LARS2: variants seen among roughly 807,000 people sequenced by gnomAD.
The protein encoded by LARS2 is leucyl-tRNA synthetase 2, mitochondrial.
In LARS2, 81 loss-of-function variants were observed where a neutral mutation model predicts 116.6. The ratio of observed to expected loss-of-function variants is 0.69; its 90% CI spans 0.58 to 0.84. The LOEUF (loss-of-function observed/expected upper bound fraction) is 0.84. Ranked by LOEUF, LARS2 falls within the 40% of genes least tolerant of loss-of-function variation. LARS2 has a pLI of 0.00. For synonymous variants in LARS2, 396 were observed against 407.2 expected (o/e 0.97, Z 0.33); for missense variants, 968 against 1,114.5 (o/e 0.87, Z 1.87).
chr3:45,402,571 C>G (rs1177847090), intron 4 of LARS2, among the ~76,000 whole-genome samples: 2 of 152,174 alleles, frequency 1.3e-5, no homozygotes, highest in African/African-American at 4.8e-5. Flanking sequence ...GTAAGTACAT[C>G]CATTGTCATA....
At chr3:45,449,732 T>C (rs541250724) in intron 7 of LARS2, among the ~76,000 whole-genome samples, 1 of 152,356 alleles carries the variant, frequency 6.6e-6, no homozygotes, top group East Asian at 1.9e-4. Flanking sequence ...CTGTGGTTTA[T>C]TTCAAAATAC....
At chr3:45,545,467 G>A (rs965159552) in intron 21 of LARS2, among the ~76,000 whole-genome samples, 1 of 152,224 alleles carries the variant, frequency 6.6e-6, no homozygotes, top group South Asian at 2.1e-4. Context: ...CAGGCTCAGT[G>A]TTGAGTCCCA....
chr3:45,464,340 G>A (rs1399702), intron 8 of LARS2, among the ~76,000 whole-genome samples: 143,193 of 152,232 alleles, frequency 0.94, 67,973 homozygotes, highest in East Asian at 1. Context: ...GAGTCATCTG[G>A]ACTCTGGAAT....
intron 6 of LARS2, among the ~76,000 whole-genome samples, chr3:45,428,230 T>A (rs982313948): frequency 3.4e-5 from 5 of 147,942 alleles, no homozygotes; most frequent in African/African-American, 1.2e-4. Context: ...AAATGTACTA[T>A]CTTAACCTGT....
intron 4 of LARS2, among the ~76,000 whole-genome samples, chr3:45,401,770 A>G (rs1698157416): frequency 6.6e-6 from 1 of 152,058 alleles, no homozygotes. Flanking sequence ...GTGTGCCACC[A>G]CGCTCAGCTA....
In LARS2 at chr3:45,394,783, TG is replaced by T. The variant is rs367627685; in HGVS notation, c.234+97del. 2.2e-4 allele frequency: 177 copies of T among 794,312 alleles called. No homozygotes were observed. The African/African-American group carries it at 2.7e-3, about 12-fold the overall frequency. The allele number at this position is 794,312 out of a possible 1,614,324, so 49.2% of individuals were successfully genotyped here. A position where few individuals can be genotyped will look rare whatever the true frequency, so the allele number is the denominator to read the frequency against. On this transcript the variant is annotated intron_variant, in intron 3 of 21. Transcript: ENST00000645846. ...CCTGGTTCAAATAAGATATTAAATA[TG>T]TGACCTTGAACCAAATTGTTGAATT...
chr3:45,523,278 G>GA (rs1700481164), intron 19 of LARS2, among the ~76,000 whole-genome samples: 1 of 152,108 alleles, frequency 6.6e-6, no homozygotes, highest in Non-Finnish European at 1.5e-5. Context: ...GGGTATAGAG[G>GA]CCCCCCTGCC....
chr3:45,425,430 T>C (rs1575245407), intron 6 of LARS2, among the ~76,000 whole-genome samples: 1 of 152,200 alleles, frequency 6.6e-6, no homozygotes, highest in Admixed American at 6.5e-5. Flanking sequence ...CCATGTGGGC[T>C]AAGAGAGATT....
intron 4 of LARS2, among the ~76,000 whole-genome samples, chr3:45,408,308 C>T (rs949962076): frequency 2.6e-5 from 4 of 152,248 alleles, no homozygotes; most frequent in African/African-American, 9.6e-5. Flanking sequence ...TACCGGGCCT[C>T]ACCCCCTGGC....
chr3:45,429,718 T>C (rs1312836472), intron 6 of LARS2, among the ~76,000 whole-genome samples: 6 of 150,198 alleles, frequency 4.0e-5, no homozygotes, highest in African/African-American at 1.5e-4. Context: ...TTTTTTTTTT[T>C]TGAGATAGGG....
At chr3:45,468,894 A>G (rs77628924) in intron 8 of LARS2, among the ~76,000 whole-genome samples, 3,726 of 152,286 alleles carry the variant, frequency 0.024, 121 homozygotes, top group African/African-American at 0.078. Context: ...CTTTTCTAGC[A>G]CCAGTGACAC....
intron 4 of LARS2, among the ~76,000 whole-genome samples, chr3:45,413,224 A>G (rs965423100): frequency 6.6e-6 from 1 of 152,214 alleles, no homozygotes; most frequent in Non-Finnish European, 1.5e-5. Flanking sequence ...TCAGGTATTA[A>G]TATCTTCCGT....
intron 5 of LARS2, among the ~76,000 whole-genome samples, chr3:45,418,758 A>G (rs1040467674): frequency 3.1e-4 from 47 of 152,254 alleles, no homozygotes; most frequent in African/African-American, 1.1e-3. Context: ...TCTACTGGTG[A>G]ATAGCAGTTA....
At chr3:45,475,256 C>G (rs554006166) in intron 9 of LARS2, among the ~76,000 whole-genome samples, 96 of 152,304 alleles carry the variant, frequency 6.3e-4, no homozygotes, top group African/African-American at 2.1e-3. Context: ...TCTGCAAGCA[C>G]CTGCCGCTTG....
chr3:45,419,023 T>G (rs969492935), intron 5 of LARS2, among the ~76,000 whole-genome samples: 1 of 152,202 alleles, frequency 6.6e-6, no homozygotes, highest in Admixed American at 6.5e-5. Flanking sequence ...TACAGAAGAT[T>G]TTTTCATGGT....
At chr3:45,394,928 T>G (rs1006193099) in intron 3 of LARS2, among the ~76,000 whole-genome samples, 1 of 152,188 alleles carries the variant, frequency 6.6e-6, no homozygotes, top group Admixed American at 6.5e-5. Flanking sequence ...AGGTAGTGTT[T>G]ACAAGAGTTT....
At chr3:45,463,638 A>C (rs937363469) in intron 8 of LARS2, among the ~76,000 whole-genome samples, 2 of 150,438 alleles carry the variant, frequency 1.3e-5, no homozygotes, top group Non-Finnish European at 3.0e-5. Context: ...GTTAACCCGC[A>C]GTCTCTCCTC....
intron 8 of LARS2, among the ~76,000 whole-genome samples, chr3:45,464,197 TGGG>T (rs1559477701): frequency 6.6e-6 from 1 of 152,008 alleles, no homozygotes; most frequent in African/African-American, 2.4e-5. Flanking sequence ...CATGCACACA[TGGG>T]GCTGGAGGAA....
intron 6 of LARS2, among the ~76,000 whole-genome samples, chr3:45,431,496 G>T (rs963500576): frequency 1.3e-5 from 2 of 152,148 alleles, no homozygotes; most frequent in Admixed American, 1.3e-4. Context: ...AGTGTATAAA[G>T]ATGTAATTAT....
Sources: allele counts gnomAD v4.1 joint callset (sites outside exome capture counted in the v4.1 genomes callset), GRCh38; gene constraint gnomAD v4.1.1; transcripts MANE v1.5; gene names NCBI Gene and HGNC (gene_info 2026-07-23, HGNC 2026-07-21).